Variants in FHIT observed in about 807,000 individuals in gnomAD.
FHIT encodes the protein fragile histidine triad diadenosine triphosphatase.
Under a neutral mutation model 17.9 loss-of-function variants are expected in FHIT, and 19 were observed. The observed-to-expected ratio is 1.06, with a 90% confidence interval of 0.74 to 1.56. The LOEUF (loss-of-function observed/expected upper bound fraction) is 1.56, where lower values mean the gene tolerates loss of function less well. Among genes scored for constraint, FHIT ranks in the 40% most tolerant of loss-of-function variants. The probability of loss-of-function intolerance (pLI) is 0.00; values close to 1 mark genes in which losing one functional copy is unlikely to be tolerated. For missense variants in FHIT, 248 were observed against 189.2 expected (o/e 1.31, Z -1.82); for synonymous variants, 81 against 69.7 (o/e 1.16, Z -0.81).
intron 5 of FHIT, among the ~76,000 whole-genome samples, chr3:60,478,540 C>T (rs1293085799): frequency 6.6e-6 from 1 of 151,996 alleles, no homozygotes; most frequent in African/African-American, 2.4e-5. Flanking sequence ...ATGCATCTGG[C>T]AGAAGTATGA....
chr3:60,847,977 C>A (rs1169569087), intron 3 of FHIT, among the ~76,000 whole-genome samples: 1 of 152,108 alleles, frequency 6.6e-6, no homozygotes, highest in Non-Finnish European at 1.5e-5. Flanking sequence ...AACTCAGTCA[C>A]TTCCTTTTCC....
chr3:60,997,049 T>C (rs1212283210), intron 3 of FHIT, among the ~76,000 whole-genome samples: 1 of 152,232 alleles, frequency 6.6e-6, no homozygotes, highest in Non-Finnish European at 1.5e-5. Flanking sequence ...TAACTCCACA[T>C]TGCAGGCCTG....
At position 61,222,055 on chromosome 3, in the gene FHIT, G is replaced by A. The variant is rs141751796; in HGVS notation, c.-212-21390C>T. 3.0e-4 allele frequency among the ~76,000 whole-genome samples: 45 copies of A among 152,316 alleles called. No homozygotes were observed. In the East Asian group the frequency reaches 7.1e-3, roughly 24 times the overall value. ...CCCAGTGCTCGGATGGCCCAGCAACGTCACTGCGGAGAGGGAGTCTGGTTG... is the reference window on the plus strand; with the variant it reads ...CCCAGTGCTCGGATGGCCCAGCAACATCACTGCGGAGAGGGAGTCTGGTTG... On this transcript the variant is annotated intron_variant, in intron 1 of 9. Transcript: ENST00000492590.
chr3:60,479,974 G>C (rs1350159234), intron 5 of FHIT, among the ~76,000 whole-genome samples: 1 of 152,120 alleles, frequency 6.6e-6, no homozygotes, highest in Non-Finnish European at 1.5e-5. Flanking sequence ...GGCTATACTG[G>C]TTGATGTTGT....
intron 7 of FHIT, among the ~76,000 whole-genome samples, chr3:59,988,593 G>A (rs1199689502): frequency 2.0e-5 from 3 of 152,110 alleles, no homozygotes; most frequent in Non-Finnish European, 2.9e-5. Context: ...TCTAAGCAGT[G>A]GGGATACACA....
chr3:60,820,113 G>C (rs1701876067), intron 4 of FHIT, among the ~76,000 whole-genome samples: 1 of 152,028 alleles, frequency 6.6e-6, no homozygotes, highest in African/African-American at 2.4e-5. Flanking sequence ...TTCAAGACCA[G>C]CCTGGCCAAC....
intron 3 of FHIT, among the ~76,000 whole-genome samples, chr3:60,898,726 G>A (rs1354689356): frequency 3.3e-5 from 5 of 152,080 alleles, no homozygotes; most frequent in African/African-American, 9.7e-5. Flanking sequence ...CAGTCTTTAC[G>A]ATGTTAAAAT....
At chr3:61,072,606 G>T (rs769959637) in intron 2 of FHIT, among the ~76,000 whole-genome samples, 46 of 152,112 alleles carry the variant, frequency 3.0e-4, no homozygotes, top group Non-Finnish European at 2.2e-4. Context: ...TGAAAGAGGG[G>T]AGAAATAAAA....
intron 4 of FHIT, among the ~76,000 whole-genome samples, chr3:60,650,176 G>C (rs1320793851): frequency 1.3e-5 from 2 of 152,170 alleles, no homozygotes; most frequent in Non-Finnish European, 2.9e-5. Context: ...GGATGTAAAA[G>C]TATTAATTCA....
chr3:60,305,435 C>A (rs990357662), intron 5 of FHIT, among the ~76,000 whole-genome samples: 2 of 151,892 alleles, frequency 1.3e-5, no homozygotes, highest in Non-Finnish European at 2.9e-5. Flanking sequence ...ATTTTAAATT[C>A]TTCTTCTCTC....
intron 7 of FHIT, 139 bp downstream of exon 7, chr3:60,011,232 C>G: frequency 1.4e-6 from 1 of 695,724 alleles, no homozygotes; most frequent in Non-Finnish European, 2.5e-6. Context: ...TCAGGATTTA[C>G]GGCTCTAACA....
chr3:60,866,870 T>A (rs1704186156), intron 3 of FHIT, among the ~76,000 whole-genome samples: 1 of 152,184 alleles, frequency 6.6e-6, no homozygotes, highest in Non-Finnish European at 1.5e-5. Context: ...CCATGCTTGA[T>A]GAATAACTGG....
intron 8 of FHIT, among the ~76,000 whole-genome samples, chr3:59,824,444 A>C (rs919133397): frequency 6.6e-6 from 1 of 152,222 alleles, no homozygotes. Flanking sequence ...ATAATACCTG[A>C]CATATATTAA....
chr3:61,056,197 G>A (rs192899063), intron 2 of FHIT, among the ~76,000 whole-genome samples: 3 of 152,308 alleles, frequency 2.0e-5, no homozygotes, highest in African/African-American at 4.8e-5. Flanking sequence ...AGAGGCGGGA[G>A]GATAGCTTGA....
At chr3:61,060,631 T>A (rs753934315) in intron 2 of FHIT, among the ~76,000 whole-genome samples, 1 of 152,250 alleles carries the variant, frequency 6.6e-6, no homozygotes, top group Non-Finnish European at 1.5e-5. Context: ...GTAAAGGCAA[T>A]GTCCTGGAAT....
chr3:60,718,310 C>T (rs200906615), intron 4 of FHIT, among the ~76,000 whole-genome samples: 2 of 152,140 alleles, frequency 1.3e-5, no homozygotes, highest in Non-Finnish European at 1.5e-5. Context: ...TGTCATGTCT[C>T]GTAATGATCC....
chr3:60,726,494 C>G (rs114267558), intron 4 of FHIT, among the ~76,000 whole-genome samples: 8 of 152,044 alleles, frequency 5.3e-5, no homozygotes, highest in Non-Finnish European at 1.2e-4. Flanking sequence ...AGTGTTTTCC[C>G]AGATGGGTAG....
At chr3:59,925,947 G>T (rs1191886643) in intron 7 of FHIT, among the ~76,000 whole-genome samples, 1 of 152,170 alleles carries the variant, frequency 6.6e-6, no homozygotes, top group African/African-American at 2.4e-5. Context: ...AGGATAATTT[G>T]ATATAATCTG....
intron 8 of FHIT, among the ~76,000 whole-genome samples, chr3:59,793,584 C>G (rs960916966): frequency 2.0e-5 from 3 of 152,160 alleles, no homozygotes; most frequent in Non-Finnish European, 2.9e-5. Context: ...ACTGCCTCCC[C>G]AGAAGCTCAG....
Sources: allele counts gnomAD v4.1 joint callset (sites outside exome capture counted in the v4.1 genomes callset), GRCh38; gene constraint gnomAD v4.1.1; transcripts MANE v1.5; gene names NCBI Gene and HGNC (gene_info 2026-07-23, HGNC 2026-07-21).